TTC29: variants seen among roughly 807,000 people sequenced by gnomAD.
TTC29 encodes the protein tetratricopeptide repeat protein 29.
A neutral mutation model predicts 58.1 loss-of-function variants in TTC29; 49 were observed. That is an observed-to-expected ratio of 0.84 (90% CI 0.67 to 1.07). TTC29 has a LOEUF of 1.07. TTC29 is among the 50% of genes least tolerant of loss of function. The pLI, the probability that TTC29 is intolerant of heterozygous loss-of-function variation, is 0.00. For synonymous variants in TTC29, 209 were observed against 196.8 expected (o/e 1.06, Z -0.52); for missense variants, 582 against 555.6 (o/e 1.05, Z -0.48).
intron 11 of TTC29, among the ~76,000 whole-genome samples, chr4:146,787,521 G>C (rs1749111651): frequency 6.6e-6 from 1 of 152,148 alleles, no homozygotes; most frequent in Non-Finnish European, 1.5e-5. Flanking sequence ...AATAAGTCTA[G>C]CGTGCTTAGG....
At chr4:146,738,009 G>A (rs541017330) in intron 11 of TTC29, among the ~76,000 whole-genome samples, 2 of 152,208 alleles carry the variant, frequency 1.3e-5, no homozygotes, top group African/African-American at 4.8e-5. Context: ...CAAAATTGGG[G>A]TTAAGAATAA....
At chr4:146,891,337 T>G (rs1472885702) in intron 6 of TTC29, among the ~76,000 whole-genome samples, 2 of 152,232 alleles carry the variant, frequency 1.3e-5, no homozygotes, top group Non-Finnish European at 2.9e-5. Flanking sequence ...ATTTCCAATG[T>G]GCTTTCTAGG....
At chr4:146,880,117 G>A (rs1429357167) in intron 6 of TTC29, among the ~76,000 whole-genome samples, 1 of 152,140 alleles carries the variant, frequency 6.6e-6, no homozygotes, top group Non-Finnish European at 1.5e-5. Context: ...TTTTGTTGGA[G>A]AGGCTGGGGA....
chr4:146,920,695 C>A (rs1189330779), intron 4 of TTC29, among the ~76,000 whole-genome samples: 2 of 151,088 alleles, frequency 1.3e-5, no homozygotes, highest in Non-Finnish European at 3.0e-5. Context: ...CTCTCTTGAG[C>A]CCCTTTTTTG....
chr4:146,939,807 G>C lies in TTC29; in HGVS notation c.89C>G (p.Pro30Arg), dbSNP rs867749590. ...QKLPCSSRKIPRSQLIKEKDD... is the reference protein window; with the variant it reads ...QKLPCSSRKIRRSQLIKEKDD... ...AGTAAAAACCAGGGGCACGTACCTT[G>C]GAATTTTTCTGGAGGAGCAAGGCAG... Residue 30 changes from proline (P) to arginine (R), a missense_variant, in exon 3 of 13, where the codon CCA becomes CGA. Physicochemically the swap from Pro to Arg is moderately radical, Grantham distance 103. Coordinates refer to ENST00000325106, the MANE Select transcript of TTC29 (RefSeq NM_031956.4). The C allele has an allele frequency of 6.2e-7, 1 of 1,611,250 alleles. No homozygotes were observed. Among genetic ancestry groups the C allele is most frequent in the African/African-American group, 1.3e-5 (1 of 74,880 alleles).
intron 8 of TTC29, among the ~76,000 whole-genome samples, chr4:146,863,700 A>C (rs1561199520): frequency 6.6e-6 from 1 of 152,200 alleles, no homozygotes; most frequent in Non-Finnish European, 1.5e-5. Context: ...TCTGCTGTCC[A>C]TAAACTGCAT....
chr4:146,802,155 C>A (rs1277843962), intron 11 of TTC29, among the ~76,000 whole-genome samples: 1 of 151,660 alleles, frequency 6.6e-6, no homozygotes, highest in African/African-American at 2.4e-5. Context: ...ATGTGAGAAG[C>A]TTTACTCATC....
At chr4:146,887,381 T>C (rs1337366563) in intron 6 of TTC29, among the ~76,000 whole-genome samples, 2 of 152,134 alleles carry the variant, frequency 1.3e-5, no homozygotes, top group African/African-American at 2.4e-5. Context: ...ATCTGACTTG[T>C]TGTAAGTTTG....
rs1334021950 is a variant in TTC29, at chr4:146,930,118, T to TATATACAC, written c.176+7475_176+7476insGTGTATAT. On this transcript the variant is annotated intron_variant, in intron 4 of 12. Transcript: ENST00000325106. ...ATATATATATATATATATATATATA[T>TATATACAC]ACACACATATATATCTTGATAAGTT... is the stretch of plus-strand genomic sequence containing the variant. Among the ~76,000 whole-genome samples, 11 of 128,886 alleles carry TATATACAC rather than the reference T, an allele frequency of 8.5e-5. No homozygotes were observed. The East Asian group carries it at 9.6e-4, about 11-fold the overall frequency. The allele number at this position is 128,886 out of a possible 152,430, so 84.6% of individuals were successfully genotyped here.
chr4:146,868,912 T>C (rs749245402), intron 7 of TTC29, among the ~76,000 whole-genome samples: 6 of 151,964 alleles, frequency 3.9e-5, no homozygotes, highest in Non-Finnish European at 7.4e-5. Context: ...ACGAGTGAGC[T>C]CTTGCTCTAT....
chr4:146,904,769 AAG>A (rs1343105425), intron 5 of TTC29, among the ~76,000 whole-genome samples: 5 of 152,172 alleles, frequency 3.3e-5, no homozygotes, highest in African/African-American at 1.2e-4. Flanking sequence ...CATATTCCTG[AAG>A]AGATTACAAT....
At chr4:146,802,469 A>T (rs1750299536) in intron 11 of TTC29, among the ~76,000 whole-genome samples, 1 of 152,222 alleles carries the variant, frequency 6.6e-6, no homozygotes, top group Admixed American at 6.5e-5. Flanking sequence ...TTGGAAGAAG[A>T]TCTTTCCTCT....
intron 4 of TTC29, among the ~76,000 whole-genome samples, chr4:146,911,796 C>G (rs1220388240): frequency 6.6e-6 from 1 of 152,182 alleles, no homozygotes; most frequent in Non-Finnish European, 1.5e-5. Context: ...ATTCCTGCAA[C>G]CACTAGCGGA....
chr4:146,832,280 A>G (rs1474825597), intron 9 of TTC29, among the ~76,000 whole-genome samples: 2 of 152,126 alleles, frequency 1.3e-5, no homozygotes, highest in Non-Finnish European at 2.9e-5. Flanking sequence ...ACATAAATTG[A>G]ATTCTTATCA....
intron 5 of TTC29, among the ~76,000 whole-genome samples, chr4:146,905,224 T>C (rs966965725): frequency 5.9e-5 from 9 of 152,048 alleles, no homozygotes; most frequent in African/African-American, 2.2e-4. Context: ...AAAGTCTGTT[T>C]TGTAATATTT....
At chr4:146,737,011 T>G (rs1055370528) in intron 11 of TTC29, among the ~76,000 whole-genome samples, 21 of 152,228 alleles carry the variant, frequency 1.4e-4, no homozygotes, top group African/African-American at 3.9e-4. Context: ...CCAAGGTAAA[T>G]GGACAACATC....
Position 146,803,595 on chromosome 4 carries a change from C to T in TTC29, c.1192G>A (p.Val398Ile), listed in dbSNP as rs1561140033. 1.9e-6 allele frequency: 3 copies of T among 1,608,896 alleles called. No individual in the cohort carries two copies. Among genetic ancestry groups the T allele is most frequent in the East Asian group, 4.5e-5 (2 of 44,804 alleles). ...TGAGCTTTTGCTATTCCATAGTGAA[C>T]TTTTGTCTCATCCATCAGAGGCATG... ...MSMPLMDETK[V>I]HYGIAKAHQM... The change falls in exon 11 of 13, where the codon GTT becomes ATT. Residue 398 changes from valine (V) to isoleucine (I), a missense_variant. Coordinates refer to ENST00000325106, the MANE Select transcript of TTC29 (RefSeq NM_031956.4).
At chr4:146,838,420 A>G (rs906756416) in intron 8 of TTC29, among the ~76,000 whole-genome samples, 3 of 151,972 alleles carry the variant, frequency 2.0e-5, no homozygotes, top group Non-Finnish European at 4.4e-5. Flanking sequence ...TAGAATATCT[A>G]TCTGTCTTAG....
intron 11 of TTC29, among the ~76,000 whole-genome samples, chr4:146,708,347 TATATATATAC>T (rs1468377846): frequency 0.062 from 1,552 of 24,902 alleles, 114 homozygotes; most frequent in South Asian, 0.14. Flanking sequence ...TATATATATA[TATATATATAC>T]ACATGTATGT....
Sources: allele counts gnomAD v4.1 joint callset (sites outside exome capture counted in the v4.1 genomes callset), GRCh38; gene constraint gnomAD v4.1.1; transcripts MANE v1.5; gene names NCBI Gene and HGNC (gene_info 2026-07-23, HGNC 2026-07-21).